The following CDKAL1 variants were observed in gnomAD, a reference collection of about 807,000 sequenced individuals.
CDKAL1 encodes the protein CDKAL1 threonylcarbamoyladenosine tRNA methylthiotransferase.
CDKAL1 carries 32 observed loss-of-function variants against 68.2 expected under a neutral mutation model. The observed-to-expected ratio is 0.47, with a 90% CI of 0.35 to 0.63. The LOEUF (loss-of-function observed/expected upper bound fraction) is 0.63. Ranked by LOEUF, CDKAL1 falls within the 30% of genes least tolerant of loss-of-function variation. The probability of loss-of-function intolerance (pLI) is 0.00; values close to 1 mark genes in which losing one functional copy is unlikely to be tolerated. For missense variants in CDKAL1, 606 were observed against 696.7 expected, an observed-to-expected ratio of 0.87 and a Z score of 1.47; for synonymous variants, 234 against 244.3, an observed-to-expected ratio of 0.96 and a Z score of 0.39.
intron 9 of CDKAL1, among the ~76,000 whole-genome samples, chr6:20,951,125 A>G (rs940343196): frequency 6.6e-6 from 1 of 152,196 alleles, no homozygotes; most frequent in Non-Finnish European, 1.5e-5. Flanking sequence ...ATAGATCCCC[A>G]TAATCATTAT....
At chr6:21,023,023 A>G (rs1341274561) in intron 11 of CDKAL1, among the ~76,000 whole-genome samples, 1 of 152,194 alleles carries the variant, frequency 6.6e-6, no homozygotes, top group Non-Finnish European at 1.5e-5. Context: ...TGGTTGGAAG[A>G]GTGATCTAAA....
intron 6 of CDKAL1, among the ~76,000 whole-genome samples, chr6:20,756,384 C>G (rs1774171398): frequency 6.6e-6 from 1 of 152,130 alleles, no homozygotes; most frequent in South Asian, 2.1e-4. Flanking sequence ...CACTGCTTTC[C>G]CTAAGTTTGA....
chr6:20,609,962 G>A lies in CDKAL1; in HGVS notation c.287-39331G>A, dbSNP rs111939295. Among the ~76,000 whole-genome samples the A allele has an allele frequency of 1.1e-3, 174 of 152,112 alleles. 3 individuals carry two copies. The highest frequency in any genetic ancestry group is 3.7e-3 in the African/African-American group (154 of 41,514). ...CATCCTCTAATAAGCCCCAGTGTGCGTTGTTCCCCTCTATGTGTCCATGTG... is the reference window on the plus strand; with the variant it reads ...CATCCTCTAATAAGCCCCAGTGTGCATTGTTCCCCTCTATGTGTCCATGTG... On this transcript the variant is annotated intron_variant, in intron 4 of 15. Transcript: ENST00000274695.
intron 12 of CDKAL1, among the ~76,000 whole-genome samples, chr6:21,099,360 TAA>T (rs2150981284): frequency 6.6e-6 from 1 of 152,322 alleles, no homozygotes; most frequent in Non-Finnish European, 1.5e-5. Flanking sequence ...TGTGTTCCAA[TAA>T]AACTTTATAT....
At chr6:20,594,566 T>C (rs1419243378) in intron 4 of CDKAL1, among the ~76,000 whole-genome samples, 1 of 152,168 alleles carries the variant, frequency 6.6e-6, no homozygotes, top group African/African-American at 2.4e-5. Flanking sequence ...TTTGAGCCTA[T>C]GTGTGTCTTT....
At chr6:20,647,701 A>G (rs1581890873) in intron 4 of CDKAL1, among the ~76,000 whole-genome samples, 1 of 152,176 alleles carries the variant, frequency 6.6e-6, no homozygotes, top group East Asian at 1.9e-4. Context: ...GAGGATACTA[A>G]CAGGAGGTAG....
chr6:20,689,164 T>A (rs2127800814), intron 5 of CDKAL1, among the ~76,000 whole-genome samples: 1 of 152,312 alleles, frequency 6.6e-6, no homozygotes. Context: ...TTCTTTTACC[T>A]TTCCCCTACT....
At chr6:20,572,042 A>G (rs1764724975) in intron 4 of CDKAL1, among the ~76,000 whole-genome samples, 1 of 152,176 alleles carries the variant, frequency 6.6e-6, no homozygotes, top group South Asian at 2.1e-4. Flanking sequence ...AAAATGAAGA[A>G]AAATCCCTTA....
chr6:21,204,830 C>A (rs1043959994), intron 15 of CDKAL1, among the ~76,000 whole-genome samples: 3 of 152,206 alleles, frequency 2.0e-5, no homozygotes, highest in Non-Finnish European at 4.4e-5. Flanking sequence ...CTGTCTTACT[C>A]ATTTGTAAGT....
chr6:20,625,807 G>A (rs966241631), intron 4 of CDKAL1, among the ~76,000 whole-genome samples: 4 of 151,964 alleles, frequency 2.6e-5, no homozygotes, highest in Non-Finnish European at 1.5e-5. Flanking sequence ...AATGTAGACT[G>A]TTATGTGAAA....
At chr6:21,165,992 A>G (rs1777134111) in intron 13 of CDKAL1, among the ~76,000 whole-genome samples, 1 of 152,212 alleles carries the variant, frequency 6.6e-6, no homozygotes, top group Non-Finnish European at 1.5e-5. Flanking sequence ...TTCGGAAAGT[A>G]ACTAACCATT....
chr6:20,536,232 C>A (rs1763168600), intron 2 of CDKAL1, among the ~76,000 whole-genome samples: 1 of 152,056 alleles, frequency 6.6e-6, no homozygotes, highest in Non-Finnish European at 1.5e-5. Context: ...CTGCACCTGG[C>A]CCATTTCTGT....
At chr6:20,984,024 T>A (rs1302363136) in intron 10 of CDKAL1, among the ~76,000 whole-genome samples, 2 of 152,210 alleles carry the variant, frequency 1.3e-5, no homozygotes, top group African/African-American at 2.4e-5. Flanking sequence ...TGTGCTGTGG[T>A]CATGGCATTT....
intron 5 of CDKAL1, among the ~76,000 whole-genome samples, chr6:20,712,794 G>A (rs1369844210): frequency 2.0e-5 from 3 of 151,930 alleles, no homozygotes; most frequent in African/African-American, 7.3e-5. Flanking sequence ...ACAGGCACCC[G>A]CCACCATGCC....
intron 9 of CDKAL1, among the ~76,000 whole-genome samples, chr6:20,875,209 G>T (rs1382780914): frequency 2.0e-5 from 3 of 148,932 alleles, no homozygotes; most frequent in African/African-American, 7.4e-5. Context: ...TGAGGCAGGA[G>T]AATGGCGTGA....
At chr6:20,989,864 A>G (rs1266444413) in intron 10 of CDKAL1, among the ~76,000 whole-genome samples, 3 of 152,176 alleles carry the variant, frequency 2.0e-5, no homozygotes. Flanking sequence ...ATATATATAT[A>G]GATACATGTA....
chr6:20,898,864 C>T (rs972379585), intron 9 of CDKAL1, among the ~76,000 whole-genome samples: 1 of 152,038 alleles, frequency 6.6e-6, no homozygotes, highest in Admixed American at 6.6e-5. Flanking sequence ...TGCTAAGATT[C>T]AAGGGCTCCC....
intron 5 of CDKAL1, among the ~76,000 whole-genome samples, chr6:20,664,898 C>A (rs1581921300): frequency 6.6e-6 from 1 of 152,020 alleles, no homozygotes; most frequent in African/African-American, 2.4e-5. Flanking sequence ...ACTTAAAACT[C>A]AGAGTAATCC....
chr6:20,729,438 A>T (rs1189039153), intron 5 of CDKAL1, among the ~76,000 whole-genome samples: 1 of 152,170 alleles, frequency 6.6e-6, no homozygotes, highest in Non-Finnish European at 1.5e-5. Flanking sequence ...TTTTCTATGC[A>T]TGTACCCTCT....
Sources: allele counts gnomAD v4.1 joint callset (sites outside exome capture counted in the v4.1 genomes callset), GRCh38; gene constraint gnomAD v4.1.1; transcripts MANE v1.5; gene names NCBI Gene and HGNC (gene_info 2026-07-23, HGNC 2026-07-21).